Variants in FAM163A observed in about 807,000 individuals in gnomAD.
The protein encoded by FAM163A is family with sequence similarity 163 member A.
Under a neutral mutation model 12.0 loss-of-function variants are expected in FAM163A, and 7 were observed. The ratio of observed to expected loss-of-function variants is 0.58; its 90% confidence interval spans 0.33 to 1.10. The LOEUF (loss-of-function observed/expected upper bound fraction) is 1.10. Ranked by LOEUF, FAM163A falls within the 50% of genes least tolerant of loss-of-function variation. The probability of loss-of-function intolerance (pLI) is 0.03; values close to 1 mark genes in which losing one functional copy is unlikely to be tolerated. For synonymous variants in FAM163A, 101 were observed against 91.0 expected (o/e 1.11, Z -0.62); for missense variants, 202 against 218.6 (o/e 0.92, Z 0.48).
chr1:179,801,326 T>C (rs1045433966), intron 1 of FAM163A, among the ~76,000 whole-genome samples: 4 of 152,074 alleles, frequency 2.6e-5, no homozygotes, highest in Non-Finnish European at 4.4e-5. Context: ...TCTCTCTTCC[T>C]CACCCCATCG....
chr1:179,742,756 C>T (rs1312590839), upstream of FAM163A: 1 of 152,416 alleles, frequency 6.6e-6, no homozygotes, highest in Non-Finnish European at 1.5e-5. Context: ...CCCTTCCTGC[C>T]TCTTCCTGCC....
At chr1:179,809,399 G>C (rs973976053) in intron 2 of FAM163A, among the ~76,000 whole-genome samples, 1 of 152,208 alleles carries the variant, frequency 6.6e-6, no homozygotes, top group Non-Finnish European at 1.5e-5. Context: ...CAAGGGAGAC[G>C]TGAGAGGAAT....
chr1:179,815,114 GACA>G lies in FAM163A; in HGVS notation c.*926_*928del, dbSNP rs1695209738. 64 of 129,918 alleles carry G rather than the reference GACA, an allele frequency of 4.9e-4. 1 individual carries two copies. The highest frequency in any genetic ancestry group is 2.3e-3 in the African/African-American group (62 of 26,626). 8.0% of individuals were successfully genotyped at this position (129,918 alleles called of 1,614,324 possible). ...GTACGCACGCGCGCGCGCGCGCACA[GACA>G]CACACACACACACACACACACACAC... On this transcript the variant is annotated 3_prime_UTR_variant, in exon 5 of 5. Coordinates refer to ENST00000341785, the MANE Select transcript of FAM163A (RefSeq NM_173509.3).
At chr1:179,789,679 C>T (rs574268339) in intron 1 of FAM163A, among the ~76,000 whole-genome samples, 1 of 152,244 alleles carries the variant, frequency 6.6e-6, no homozygotes, top group East Asian at 1.9e-4. Context: ...TGGTAGGGTG[C>T]TATCACATGG....
At chr1:179,763,026 A>G (rs1272376836) in intron 1 of FAM163A, among the ~76,000 whole-genome samples, 1 of 152,240 alleles carries the variant, frequency 6.6e-6, no homozygotes, top group Non-Finnish European at 1.5e-5. Context: ...TAGGGAAAAA[A>G]TAAGTAAATC....
chr1:179,762,646 A>C (rs978401124), intron 1 of FAM163A, among the ~76,000 whole-genome samples: 2 of 152,230 alleles, frequency 1.3e-5, no homozygotes, highest in Admixed American at 6.5e-5. Context: ...AGGAATGCTC[A>C]AGATGGGTTA....
At chr1:179,773,241 A>G (rs1424586774) in intron 1 of FAM163A, among the ~76,000 whole-genome samples, 1 of 152,076 alleles carries the variant, frequency 6.6e-6, no homozygotes, top group African/African-American at 2.4e-5. Context: ...CTACCAAAGG[A>G]TAGCACCAGG....
At chr1:179,756,032 G>T (rs1685977029) in intron 1 of FAM163A, among the ~76,000 whole-genome samples, 2 of 152,210 alleles carry the variant, frequency 1.3e-5, no homozygotes, top group South Asian at 4.1e-4. Context: ...TCTCATTGCT[G>T]CCTCATTTTC....
At chr1:179,800,157 G>A (rs113913517) in intron 1 of FAM163A, among the ~76,000 whole-genome samples, 5 of 152,342 alleles carry the variant, frequency 3.3e-5, no homozygotes, top group African/African-American at 9.6e-5. Flanking sequence ...TGGGGCTTTA[G>A]ACCAAAGTCA....
chr1:179,798,332 T>C (rs1257610212), intron 1 of FAM163A, among the ~76,000 whole-genome samples: 2 of 152,238 alleles, frequency 1.3e-5, no homozygotes, highest in African/African-American at 2.4e-5. Context: ...TTTATTCTGA[T>C]CCAGTGGGAT....
At chr1:179,749,547 A>G (rs1017772816) in intron 1 of FAM163A, among the ~76,000 whole-genome samples, 1 of 152,210 alleles carries the variant, frequency 6.6e-6, no homozygotes, top group East Asian at 1.9e-4. Flanking sequence ...TGAATTATTC[A>G]TATATTAAAA....
At chr1:179,783,129 T>TA (rs11378381) in intron 1 of FAM163A, among the ~76,000 whole-genome samples, 75,472 of 141,220 alleles carry the variant, frequency 0.53, 20,158 homozygotes, top group African/African-American at 0.61. Context: ...AACTCCGTCT[T>TA]AAAAAAAAAA....
At chr1:179,780,795 G>A (rs1348741832) in intron 1 of FAM163A, among the ~76,000 whole-genome samples, 3 of 152,142 alleles carry the variant, frequency 2.0e-5, no homozygotes, top group Non-Finnish European at 4.4e-5. Context: ...GACAAAATAA[G>A]GTTCTTGACA....
intron 2 of FAM163A, among the ~76,000 whole-genome samples, chr1:179,809,969 C>G (rs1694483010): frequency 6.6e-6 from 1 of 152,204 alleles, no homozygotes; most frequent in Non-Finnish European, 1.5e-5. Context: ...ACGCTCAAGT[C>G]TGCAGATGGG....
chr1:179,770,796 C>T (rs1688175037), intron 1 of FAM163A, among the ~76,000 whole-genome samples: 1 of 141,572 alleles, frequency 7.1e-6, no homozygotes, highest in South Asian at 2.2e-4. Flanking sequence ...TCTCTGTGCT[C>T]ACCTGGAAAC....
At chr1:179,795,606 T>C (rs1376988550) in intron 1 of FAM163A, among the ~76,000 whole-genome samples, 1 of 152,180 alleles carries the variant, frequency 6.6e-6, no homozygotes, top group Admixed American at 6.5e-5. Context: ...ATGAGCGAAA[T>C]AAGCTTCTGT....
chr1:179,763,365 A>G (rs61828393), intron 1 of FAM163A, among the ~76,000 whole-genome samples: 17,196 of 152,250 alleles, frequency 0.11, 1,080 homozygotes, highest in Non-Finnish European at 0.13. Flanking sequence ...CTTATGCCAA[A>G]GAGGCATATT....
intron 1 of FAM163A, among the ~76,000 whole-genome samples, chr1:179,755,674 TTTC>T (rs1279363228): frequency 6.6e-6 from 1 of 152,154 alleles, no homozygotes; most frequent in African/African-American, 2.4e-5. Context: ...ATTTGAACTG[TTTC>T]TTCTTATTTC....
chr1:179,809,115 A>AT (rs1007907084), intron 2 of FAM163A, among the ~76,000 whole-genome samples: 6 of 150,602 alleles, frequency 4.0e-5, no homozygotes, highest in African/African-American at 7.3e-5. Context: ...TCAAAAAAAA[A>AT]TTTTTTTTTT....
Sources: allele counts gnomAD v4.1 joint callset (sites outside exome capture counted in the v4.1 genomes callset), GRCh38; gene constraint gnomAD v4.1.1; transcripts MANE v1.5; gene names NCBI Gene and HGNC (gene_info 2026-07-23, HGNC 2026-07-21).